The following TTLL4 variants were observed in gnomAD, a reference collection of about 807,000 sequenced individuals.
The protein encoded by TTLL4 is tubulin tyrosine ligase like 4, also known as tubulin monoglutamylase TTLL4.
TTLL4 carries 85 observed loss-of-function variants against 122.7 expected under a neutral mutation model. The ratio of observed to expected loss-of-function variants is 0.69; its 90% CI spans 0.58 to 0.83. The LOEUF is 0.83. Ranked by LOEUF, TTLL4 falls within the 40% of genes least tolerant of loss-of-function variation. TTLL4 has a pLI of 0.00. For missense variants in TTLL4, 1,363 were observed against 1,488.6 expected, an observed-to-expected ratio of 0.92 and a Z score of 1.39; for synonymous variants, 553 against 563.0, an observed-to-expected ratio of 0.98 and a Z score of 0.25.
At chr2:218,741,715 T>TTTC (rs1942705973) in intron 5 of TTLL4, among the ~76,000 whole-genome samples, 1 of 152,192 alleles carries the variant, frequency 6.6e-6, no homozygotes, top group Non-Finnish European at 1.5e-5. Context: ...TGGATATTGA[T>TTTC]TAAGTACCTC....
chr2:218,716,190 T>A (rs1941852338), intron 1 of TTLL4, among the ~76,000 whole-genome samples: 1 of 152,232 alleles, frequency 6.6e-6, no homozygotes, highest in African/African-American at 2.4e-5. Flanking sequence ...AAGCTCAAAT[T>A]TTATCATTGG....
chr2:218,748,207 G>T lies in TTLL4; in HGVS notation c.2481G>T (p.Met827Ile), dbSNP rs778893733. ...NAEYQANADE[M>I]ACQGHKWALK... is the part of the protein sequence containing the mutation. ...AGTACCAGGCCAATGCAGATGAAAT[G>T]GCTTGCCAGGGCCACAAATGGTACT... Residue 827 changes from methionine (M) to isoleucine (I), a missense_variant, in exon 12 of 20, where the codon ATG becomes ATT. Met to Ile is a conservative substitution (Grantham distance 10, BLOSUM62 1). Coordinates refer to ENST00000392102, the MANE Select transcript of TTLL4 (RefSeq NM_014640.5). 1.7e-5 allele frequency: 27 copies of T among 1,613,992 alleles called. No individual in the cohort carries two copies. Among genetic ancestry groups the T allele is most frequent in the Non-Finnish European group, 2.1e-5 (25 of 1,180,008 alleles).
chr2:218,720,287 A>T (rs754413899), intron 1 of TTLL4, among the ~76,000 whole-genome samples: 1 of 152,140 alleles, frequency 6.6e-6, no homozygotes, highest in South Asian at 2.1e-4. Flanking sequence ...AAAGAACTGG[A>T]GGATTTTGGA....
At chr2:218,750,215 A>G in intron 15 of TTLL4, 69 bp downstream of exon 15, 1 of 1,572,076 alleles carries the variant, frequency 6.4e-7, no homozygotes, top group Non-Finnish European at 8.6e-7. Flanking sequence ...CTGGGAAGGA[A>G]TGGGTTCTGG....
chr2:218,748,385 T>A, intron 12 of TTLL4, 158 bp downstream of exon 12: 1 of 1,210,534 alleles, frequency 8.3e-7, no homozygotes, highest in Non-Finnish European at 1.1e-6. Flanking sequence ...CCGGATGTGG[T>A]GGCTCACGCC....
chr2:218,722,245 C>A (rs1232931335), intron 1 of TTLL4, among the ~76,000 whole-genome samples: 2 of 151,764 alleles, frequency 1.3e-5, no homozygotes, highest in African/African-American at 4.8e-5. Flanking sequence ...TGGTCTCAAA[C>A]AAACAAAAAG....
chr2:218,728,433 A>G (rs1426192295), intron 2 of TTLL4, among the ~76,000 whole-genome samples: 1 of 152,112 alleles, frequency 6.6e-6, no homozygotes, highest in Non-Finnish European at 1.5e-5. Flanking sequence ...GAGCGCTCCT[A>G]TGAGAATCTA....
intron 5 of TTLL4, among the ~76,000 whole-genome samples, chr2:218,744,036 C>A (rs1038969904): frequency 2.0e-5 from 3 of 152,164 alleles, no homozygotes; most frequent in African/African-American, 7.2e-5. Flanking sequence ...ATCTTAAATT[C>A]TCATACTCAG....
At chr2:218,748,738 A>C in intron 12 of TTLL4, 98 bp from the exon 13 acceptor site, 1 of 971,772 alleles carries the variant, frequency 1.0e-6, no homozygotes. Context: ...AGGAAGAGAT[A>C]TGAAGAAAAT....
rs1031026671 is a variant in TTLL4 at position 218,754,830 on chromosome 2, C to T, written c.*441C>T. The T allele has an allele frequency of 2.2e-5, 4 of 179,996 alleles. No homozygotes were observed. The highest frequency in any genetic ancestry group is 4.7e-5 in the Non-Finnish European group (4 of 84,518). The allele number at this position is 179,996 out of a possible 1,614,324, so 11.1% of individuals were successfully genotyped here. ...AGGGGGTCTTCTGAGGTCCTTACTT[C>T]CTTAGGTCTTTCCTCACCCCTCTCC... is the stretch of plus-strand genomic sequence containing the variant. On this transcript the variant is annotated 3_prime_UTR_variant, in exon 20 of 20. Transcript: ENST00000392102.
rs568149810 is a variant in TTLL4, at chr2:218,737,769, G to A, written c.93G>A (p.Thr31=). 2.2e-5 allele frequency: 36 copies of A among 1,613,974 alleles called. No individual in the cohort carries two copies. The highest frequency in any genetic ancestry group is 2.7e-5 in the Non-Finnish European group (32 of 1,179,856). ...GTCCCTCAGGCACAGTACCTGCCACGCCACCTGAGAAACCCTCGGAGGGCA... is the reference window on the plus strand; with the variant it reads ...GTCCCTCAGGCACAGTACCTGCCACACCACCTGAGAAACCCTCGGAGGGCA... ...QSGPSGTVPA[T]PPEKPSEGRV... Residue 31 remains threonine, a synonymous_variant, in exon 3 of 20, where the codon ACG becomes ACA. Transcript: ENST00000392102.
Position 218,747,858 on chromosome 2 carries a change from G to A in TTLL4, c.2378+133G>A, listed in dbSNP as rs1049660849. The A allele has an allele frequency of 4.4e-6, 6 of 1,353,698 alleles. No individual in the cohort carries two copies. The African/African-American group carries it at 7.2e-5, about 16-fold the overall frequency. 83.9% of individuals were successfully genotyped at this position (1,353,698 alleles called of 1,614,324 possible). On this transcript the variant is annotated intron_variant, in intron 11 of 19. Transcript: ENST00000392102. The surrounding 1 kb of genome is among the most constrained non-coding windows in gnomAD (Gnocchi z 4.7). Reference sequence around the variant, plus strand: ...GGGAAAGGCAGGAAATGGGAAATATGGAGGCTCTCTACTTCGTTAAATCTG... The same window carrying A: ...GGGAAAGGCAGGAAATGGGAAATATAGAGGCTCTCTACTTCGTTAAATCTG...
At chr2:218,730,341 A>G (rs1410132973) in intron 2 of TTLL4, among the ~76,000 whole-genome samples, 145 of 115,086 alleles carry the variant, frequency 1.3e-3, no homozygotes, top group Non-Finnish European at 1.7e-3. Context: ...AAAAAAAAAA[A>G]AAAAAAAAGA....
At chr2:218,742,692 T>C (rs780398204) in intron 5 of TTLL4, among the ~76,000 whole-genome samples, 1 of 152,210 alleles carries the variant, frequency 6.6e-6, no homozygotes, top group Non-Finnish European at 1.5e-5. Context: ...GAGATAATTA[T>C]AGATTTCACA....
intron 1 of TTLL4, among the ~76,000 whole-genome samples, chr2:218,717,642 T>C (rs150129788): frequency 4.2e-4 from 64 of 152,326 alleles, no homozygotes; most frequent in African/African-American, 1.4e-3. Context: ...CTAGGCTGTA[T>C]TCTTGACCTT....
Position 218,738,628 on chromosome 2 carries a change from T to G in TTLL4, c.952T>G (p.Ser318Ala). ...NNLAMRAEPL[S>A]CALDDSSDSQ... ...CTTAGCCATGAGGGCAGAGCCACTT[T>G]CCTGTGCTCTGGATGACAGCTCTGA... Residue 318 changes from serine (S) to alanine (A), a missense_variant, in exon 3 of 20, where the codon TCC (serine) becomes GCC (alanine). By Grantham distance (99) the Ser-to-Ala change is moderately conservative. Coordinates refer to ENST00000392102, the MANE Select transcript of TTLL4 (RefSeq NM_014640.5). The G allele has an allele frequency of 1.2e-6, 2 of 1,614,214 alleles. No individual in the cohort carries two copies. The highest frequency in any genetic ancestry group is 8.5e-7 in the Non-Finnish European group (1 of 1,180,040).
chr2:218,747,985 T>C lies in TTLL4; in HGVS notation c.2379-120T>C. On this transcript the variant is annotated intron_variant, in intron 11 of 19. Coordinates refer to ENST00000392102, the MANE Select transcript of TTLL4 (RefSeq NM_014640.5). This position sits in a 1 kb window ranked among gnomAD's most constrained non-coding sequence, Gnocchi z 4.7. ...AGTAGACACACTTCTCAGGCTCTTG[T>C]GGCTATGAAAAGATCTGTGTACTTG... 1.4e-6 allele frequency: 2 copies of C among 1,380,282 alleles called. No homozygotes were observed. The highest frequency in any genetic ancestry group is 1.3e-5 in the South Asian group (1 of 76,632). The allele number at this position is 1,380,282 out of a possible 1,614,324, so 85.5% of individuals were successfully genotyped here.
At chr2:218,757,783 TC>T (rs1033036822), downstream of TTLL4, among the ~76,000 whole-genome samples, 2 of 152,158 alleles carry the variant, frequency 1.3e-5, no homozygotes, top group Non-Finnish European at 2.9e-5. Flanking sequence ...CAAAGACCTT[TC>T]TACTTCCTTC....
chr2:218,735,979 T>G (rs1288112040), intron 2 of TTLL4, among the ~76,000 whole-genome samples: 2 of 140,770 alleles, frequency 1.4e-5, no homozygotes, highest in Non-Finnish European at 3.1e-5. Flanking sequence ...TTTTTTTTTT[T>G]TTTTTTTTTT....
Sources: allele counts gnomAD v4.1 joint callset (sites outside exome capture counted in the v4.1 genomes callset), GRCh38; gene constraint gnomAD v4.1.1; non-coding constraint Gnocchi (gnomAD v3.1); transcripts MANE v1.5; gene names NCBI Gene and HGNC (gene_info 2026-07-23, HGNC 2026-07-21).